PALLD: variants seen among roughly 807,000 people sequenced by gnomAD.
The protein encoded by PALLD is palladin, cytoskeletal associated protein.
Under a neutral mutation model 123.5 loss-of-function variants are expected in PALLD, and 61 were observed. That is an observed-to-expected ratio of 0.49 (90% CI 0.40 to 0.61). PALLD has a LOEUF of 0.61. Ranked by LOEUF, PALLD falls within the 20% of genes least tolerant of loss-of-function variation. PALLD has a pLI of 0.00. For missense variants in PALLD, 1,273 were observed against 1,377.0 expected (o/e 0.92, Z 1.20); for synonymous variants, 465 against 496.4 (o/e 0.94, Z 0.84).
chr4:168,539,896 G>A (rs916590231), intron 2 of PALLD, among the ~76,000 whole-genome samples: 4 of 152,028 alleles, frequency 2.6e-5, no homozygotes, highest in Non-Finnish European at 4.4e-5. Flanking sequence ...CTTGGGGTAC[G>A]ATTGATCTGG....
intron 10 of PALLD, among the ~76,000 whole-genome samples, chr4:168,758,057 C>T (rs1036976532): frequency 6.6e-6 from 1 of 152,098 alleles, no homozygotes; most frequent in Non-Finnish European, 1.5e-5. Context: ...GGCGACAGAG[C>T]GAGACTCCAT....
intron 2 of PALLD, among the ~76,000 whole-genome samples, chr4:168,526,640 C>G (rs1764076794): frequency 6.6e-6 from 1 of 152,172 alleles, no homozygotes; most frequent in African/African-American, 2.4e-5. Context: ...AATGCTACAC[C>G]TGCACTAATC....
At chr4:168,750,263 C>T (rs894744419) in intron 10 of PALLD, among the ~76,000 whole-genome samples, 3 of 152,072 alleles carry the variant, frequency 2.0e-5, no homozygotes, top group African/African-American at 4.8e-5. Context: ...CACTTATAAG[C>T]GAGAACATGT....
intron 2 of PALLD, among the ~76,000 whole-genome samples, chr4:168,657,943 C>T (rs1044927165): frequency 1.5e-4 from 23 of 152,190 alleles, no homozygotes; most frequent in Admixed American, 1.2e-3. Flanking sequence ...CACTCCCATT[C>T]GGGAGCCCCT....
intron 10 of PALLD, among the ~76,000 whole-genome samples, chr4:168,778,180 C>G (rs1457038299): frequency 1.3e-5 from 2 of 152,096 alleles, no homozygotes; most frequent in African/African-American, 2.4e-5. Flanking sequence ...TTCAAATATT[C>G]CAGCCTCAAC....
At chr4:168,801,126 A>G (rs1739260108) in intron 10 of PALLD, among the ~76,000 whole-genome samples, 1 of 152,224 alleles carries the variant, frequency 6.6e-6, no homozygotes, top group Admixed American at 6.5e-5. Flanking sequence ...AGGAAATGAT[A>G]ACTCTGCAAG....
chr4:168,626,512 C>A (rs34686132), intron 2 of PALLD, among the ~76,000 whole-genome samples: 71,562 of 151,232 alleles, frequency 0.47, 18,558 homozygotes, highest in East Asian at 0.76. Context: ...GAGATAGAGA[C>A]CATCCTGGGA....
In PALLD at chr4:168,800,118, T is replaced by C. The variant is rs150673698; in HGVS notation, c.1964+88195T>C. Among the ~76,000 whole-genome samples, 88 of 152,352 alleles carry C rather than the reference T, an allele frequency of 5.8e-4. No individual in the cohort carries two copies. In the East Asian group the frequency reaches 0.012, roughly 21 times the overall value. Reference sequence around the variant, plus strand: ...AATATAGAACATTTGCTTTAAAAGTTCCTCTTTTTATAAATAATACTTGCT... The same window carrying C: ...AATATAGAACATTTGCTTTAAAAGTCCCTCTTTTTATAAATAATACTTGCT... On this transcript the variant is annotated intron_variant, in intron 10 of 21. Transcript: ENST00000505667.
In PALLD at chr4:168,872,472, T is replaced by G. The variant is rs369323424; in HGVS notation, c.1965-18450T>G. On this transcript the variant is annotated intron_variant, in intron 10 of 21. Coordinates refer to ENST00000505667, the MANE Select transcript of PALLD (RefSeq NM_001166108.2). ...CTTTGTAAAGAAACCTATGTCCTTTTGCAATACATTTTAAACTTATACATA... is the reference window on the plus strand; with the variant it reads ...CTTTGTAAAGAAACCTATGTCCTTTGGCAATACATTTTAAACTTATACATA... Among the ~76,000 whole-genome samples, 94 of 152,358 alleles carry G rather than the reference T, an allele frequency of 6.2e-4. No homozygotes were observed. The South Asian group carries it at 0.019, about 32-fold the overall frequency.
Position 168,691,252 on chromosome 4 carries a change from T to C in PALLD, c.1478-17T>C, listed in dbSNP as rs201992683. 12 of 1,602,844 alleles carry C rather than the reference T, an allele frequency of 7.5e-6. 1 individual carries two copies. In the East Asian group the frequency reaches 2.0e-4, roughly 27 times the overall value. On this transcript the variant is annotated splice_polypyrimidine_tract_variant and intron_variant, in intron 7 of 21. Transcript: ENST00000505667. ...CTAATACTTTGTTCTAATTTATTTT[T>C]TTCATGTGGCAAACAGAACCTAGAT... is the stretch of plus-strand genomic sequence containing the variant.
rs141529236 is a variant in PALLD, at chr4:168,892,853, C to G, written c.2101-1726C>G. Among the ~76,000 whole-genome samples, 38 of 151,818 alleles carry G rather than the reference C, an allele frequency of 2.5e-4. 2 individuals are homozygous for G. The East Asian group carries it at 6.4e-3, about 26-fold the overall frequency. ...TATATATTGTATGTATATTTATATT[C>G]ATCTGTTTAGCAGTGAATAACATTC... On this transcript the variant is annotated intron_variant, in intron 11 of 21. Transcript: ENST00000505667.
intron 2 of PALLD, among the ~76,000 whole-genome samples, chr4:168,597,160 T>C (rs1386020469): frequency 6.6e-6 from 1 of 152,100 alleles, no homozygotes; most frequent in Non-Finnish European, 1.5e-5. Context: ...GGGATTTCTA[T>C]ATAAGATAAT....
At chr4:168,562,567 A>G (rs1025582458) in intron 2 of PALLD, among the ~76,000 whole-genome samples, 9 of 152,254 alleles carry the variant, frequency 5.9e-5, no homozygotes, top group Non-Finnish European at 1.3e-4. Flanking sequence ...CCAGGACTAC[A>G]GGATTACTTT....
chr4:168,700,002 C>A, intron 8 of PALLD: 1 of 252,422 alleles, frequency 4.0e-6, no homozygotes. Context: ...CATTCCTTAC[C>A]AAAATTTATT....
At chr4:168,810,871 A>G (rs1178598069) in intron 10 of PALLD, among the ~76,000 whole-genome samples, 1 of 152,124 alleles carries the variant, frequency 6.6e-6, no homozygotes, top group African/African-American at 2.4e-5. Context: ...TAGCCAAAGT[A>G]TGATAGTTAG....
chr4:168,826,126 C>A (rs910436971), intron 10 of PALLD, among the ~76,000 whole-genome samples: 4 of 152,186 alleles, frequency 2.6e-5, no homozygotes, highest in African/African-American at 9.7e-5. Context: ...TAGTAATCCA[C>A]ATGGAATCTG....
chr4:168,846,450 C>T lies in PALLD; in HGVS notation c.1965-44472C>T, dbSNP rs529260785. ...AAGAGTTCCTTTTATAAGATGAGAACGGCATGGAATTATTTCTAGTTGCCT... is the reference window on the plus strand; with the variant it reads ...AAGAGTTCCTTTTATAAGATGAGAATGGCATGGAATTATTTCTAGTTGCCT... On this transcript the variant is annotated intron_variant, in intron 10 of 21. Transcript: ENST00000505667. Among the ~76,000 whole-genome samples, 181 of 152,214 alleles carry T rather than the reference C, an allele frequency of 1.2e-3. 1 individual carries two copies. In the Middle Eastern group the frequency reaches 0.031, roughly 26 times the overall value.
chr4:168,867,796 T>A (rs746812279), intron 10 of PALLD, among the ~76,000 whole-genome samples: 1 of 152,048 alleles, frequency 6.6e-6, no homozygotes, highest in Non-Finnish European at 1.5e-5. Flanking sequence ...TTTCTTGATC[T>A]CCCTGTGTCT....
intron 1 of PALLD, among the ~76,000 whole-genome samples, chr4:168,504,023 C>A (rs781229036): frequency 1.7e-4 from 26 of 152,202 alleles, no homozygotes; most frequent in Non-Finnish European, 2.9e-4. Context: ...TTATCACGCT[C>A]CTCCTTGTAA....
Sources: allele counts gnomAD v4.1 joint callset (sites outside exome capture counted in the v4.1 genomes callset), GRCh38; gene constraint gnomAD v4.1.1; transcripts MANE v1.5; gene names NCBI Gene and HGNC (gene_info 2026-07-23, HGNC 2026-07-21).